IL17C: variants seen among roughly 807,000 people sequenced by gnomAD.
The protein encoded by IL17C is interleukin-17C.
In IL17C, 13 loss-of-function variants were observed where a neutral mutation model predicts 11.0. The observed-to-expected ratio is 1.18, with a 90% confidence interval of 0.77 to 1.88. IL17C has a LOEUF of 1.88. IL17C is among the 40% of genes most tolerant of loss of function. The probability of loss-of-function intolerance (pLI) is 0.00; values close to 1 mark genes in which losing one functional copy is unlikely to be tolerated. For missense variants in IL17C, 357 were observed against 278.2 expected (o/e 1.28, Z -2.01); for synonymous variants, 150 against 125.8 (o/e 1.19, Z -1.29).
Position 88,639,904 on chromosome 16 carries a change from G to A in IL17C, c.426G>A (p.Glu142=), listed in dbSNP as rs1227710272. The A allele has an allele frequency of 6.2e-7, 1 of 1,609,960 alleles. No homozygotes were observed. The highest frequency in any genetic ancestry group is 1.3e-5 in the African/African-American group (1 of 74,914). Residue 142 remains glutamate, a synonymous_variant, in exon 3 of 3, where the codon GAG becomes GAA. Coordinates refer to ENST00000244241, the MANE Select transcript of IL17C (RefSeq NM_013278.4). The surrounding 1 kb of genome is among the most constrained non-coding windows in gnomAD (Gnocchi z 5.1). Reference sequence around the variant, plus strand: ...GTATCGATGCACGGACGGGCCGCGAGACAGCTGCGCTCAACTCCGTGCGGC... The same window carrying A: ...GTATCGATGCACGGACGGGCCGCGAAACAGCTGCGCTCAACTCCGTGCGGC... ...RGCIDARTGR[E]TAALNSVRLL... is the part of the protein sequence containing the mutation.
Position 88,640,078 on chromosome 16 carries a change from G to C in IL17C, c.*6G>C. 6.5e-7 allele frequency: 1 copy of C among 1,540,914 alleles called. No individual in the cohort carries two copies. Among genetic ancestry groups the C allele is most frequent in the Non-Finnish European group, 8.8e-7 (1 of 1,141,830 alleles). ...TGCTGCCCCGTTCAGTGTGACCGCC[G>C]AGGCCGTGGGGCCCCTAGACTGGAC... is the stretch of plus-strand genomic sequence containing the variant. On this transcript the variant is annotated 3_prime_UTR_variant, in exon 3 of 3. Coordinates refer to ENST00000244241, the MANE Select transcript of IL17C (RefSeq NM_013278.4).
Position 88,639,912 on chromosome 16 carries a change from C to G in IL17C, c.434C>G (p.Ala145Gly). The G allele has an allele frequency of 6.2e-7, 1 of 1,610,270 alleles. No homozygotes were observed. Among genetic ancestry groups the G allele is most frequent in the Non-Finnish European group, 8.5e-7 (1 of 1,179,454 alleles). ...GCACGGACGGGCCGCGAGACAGCTG[C>G]GCTCAACTCCGTGCGGCTGCTCCAG... The part of the protein sequence containing the change: ...IDARTGRETA[A>G]LNSVRLLQSL... The change falls in exon 3 of 3, where the codon GCG becomes GGG. Residue 145 changes from alanine (A) to glycine (G), a missense_variant. By Grantham distance (60) the Ala-to-Gly change is moderately conservative. Transcript: ENST00000244241. The surrounding 1 kb of genome is among the most constrained non-coding windows in gnomAD (Gnocchi z 5.1).
intron 1 of IL17C, 135 bp from the exon 2 acceptor site, chr16:88,638,824 TTGGGCTGAAGGGCTAGCCTCTC>T: frequency 8.3e-7 from 1 of 1,201,984 alleles, no homozygotes; most frequent in Non-Finnish European, 1.2e-6. Flanking sequence ...GCTGGGTGTC[TTGGGCTGAAGGGCTAGCCTCTC>T]TGGGCTTCAG....
intron 1 of IL17C, 111 bp from the exon 2 acceptor site, chr16:88,638,870 A>G (rs1265031875): frequency 8.3e-7 from 1 of 1,206,390 alleles, no homozygotes; most frequent in Non-Finnish European, 1.2e-6. Flanking sequence ...CCCCATCTAT[A>G]GAGGGAGGGC....
At chr16:88,638,776 G>A in intron 1 of IL17C, 129 bp downstream of exon 1, 4 of 1,441,650 alleles carry the variant, frequency 2.8e-6, no homozygotes, top group Admixed American at 1.7e-5. Context: ...CAGTCTGGGG[G>A]TAGGGGAGGC....
chr16:88,639,290 A>G lies in IL17C; in HGVS notation c.316A>G (p.Ile106Val), dbSNP rs1344523642. ...GGAGGCAGACACCCACCAGCGCTCC[A>G]TCTCACCCTGGAGATACCGGTGAGG... ...VLEADTHQRS[I>V]SPWRYRVDTD... is the part of the protein sequence containing the mutation. Residue 106 changes from isoleucine to valine, a missense_variant, in exon 2 of 3, where the codon ATC (isoleucine) becomes GTC (valine). Ile to Val is a conservative substitution (Grantham distance 29). Coordinates refer to ENST00000244241, the MANE Select transcript of IL17C (RefSeq NM_013278.4). This position sits in a 1 kb window ranked among gnomAD's most constrained non-coding sequence, Gnocchi z 5.1. 1 of 1,606,258 alleles carries G rather than the reference A, an allele frequency of 6.2e-7. No homozygotes were observed. Among genetic ancestry groups the G allele is most frequent in the Non-Finnish European group, 8.5e-7 (1 of 1,176,716 alleles).
At chr16:88,638,933 C>G (rs376401116) in intron 1 of IL17C, 48 bp from the exon 2 acceptor site, 1 of 1,461,348 alleles carries the variant, frequency 6.8e-7, no homozygotes, top group Admixed American at 2.1e-5. Flanking sequence ...AAGTGAGGTG[C>G]CCCCTGCCCT....
Position 88,638,983 on chromosome 16 carries a change from C to G in IL17C, c.9C>G (p.Leu3=), listed in dbSNP as rs1022390322. 8 of 1,559,990 alleles carry G rather than the reference C, an allele frequency of 5.1e-6. No individual in the cohort carries two copies. The Admixed American group carries it at 7.3e-5, about 14-fold the overall frequency. Reference sequence around the variant, plus strand: ...CACCCACCTGCCTGTTTCACCAGCTCCTCCCCGGCCTCCTGTTTCTGACCT... The same window carrying G: ...CACCCACCTGCCTGTTTCACCAGCTGCTCCCCGGCCTCCTGTTTCTGACCT... The part of the protein sequence containing the change: MT[L]LPGLLFLTWL... Residue 3 remains leucine, a splice_region_variant and synonymous_variant, in exon 2 of 3, where the codon CTC becomes CTG. Coordinates refer to ENST00000244241, the MANE Select transcript of IL17C (RefSeq NM_013278.4).
rs1399604973 is a variant in IL17C, at chr16:88,640,444, G to A, written c.*372G>A. The A allele has an allele frequency of 1.7e-5, 4 of 233,978 alleles. No individual in the cohort carries two copies. The highest frequency in any genetic ancestry group is 4.5e-5 in the African/African-American group (2 of 44,368). 14.5% of individuals were successfully genotyped at this position (233,978 alleles called of 1,614,324 possible). ...TTCTTAAACAATTATTTAAGTGTAC[G>A]TGTATTATTAAACTGATGAACACAT... On this transcript the variant is annotated 3_prime_UTR_variant, in exon 3 of 3. Transcript: ENST00000244241.
In IL17C at chr16:88,640,463, A is replaced by C; in HGVS notation, c.*391A>C. 5.2e-6 allele frequency: 1 copy of C among 193,334 alleles called. No individual in the cohort carries two copies. Among genetic ancestry groups the C allele is most frequent in the Admixed American group, 5.5e-5 (1 of 18,270 alleles). The allele number at this position is 193,334 out of a possible 1,614,324, so 12.0% of individuals were successfully genotyped here. ...GTGTACGTGTATTATTAAACTGATG[A>C]ACACATCCCCAGAGGCCAACATTCA... On this transcript the variant is annotated 3_prime_UTR_variant, in exon 3 of 3. Coordinates refer to ENST00000244241, the MANE Select transcript of IL17C (RefSeq NM_013278.4).
chr16:88,638,709 G>T, intron 1 of IL17C, 62 bp downstream of exon 1: 2 of 1,611,972 alleles, frequency 1.2e-6, no homozygotes, highest in Non-Finnish European at 1.7e-6. Context: ...GGCATGGAAG[G>T]GCTGGGGTTC....
At position 88,640,080 on chromosome 16, in the gene IL17C, G is replaced by C. The variant is rs1048828099; in HGVS notation, c.*8G>C. 5 of 1,539,148 alleles carry C rather than the reference G, an allele frequency of 3.2e-6. No homozygotes were observed. Among genetic ancestry groups the C allele is most frequent in the Non-Finnish European group, 4.4e-6 (5 of 1,141,166 alleles). ...CTGCCCCGTTCAGTGTGACCGCCGA[G>C]GCCGTGGGGCCCCTAGACTGGACAC... On this transcript the variant is annotated 3_prime_UTR_variant, in exon 3 of 3. Coordinates refer to ENST00000244241, the MANE Select transcript of IL17C (RefSeq NM_013278.4).
chr16:88,640,225 C>T lies in IL17C; in HGVS notation c.*153C>T, dbSNP rs1907022609. On this transcript the variant is annotated 3_prime_UTR_variant, in exon 3 of 3. Coordinates refer to ENST00000244241, the MANE Select transcript of IL17C (RefSeq NM_013278.4). ...GTCTGGAGGACAGCCCCCCACTGTT[C>T]TCCTCATCTCCAGCCTCAGTAGTTG... 5.1e-6 allele frequency: 4 copies of T among 790,212 alleles called. No homozygotes were observed. The highest frequency in any genetic ancestry group is 2.0e-5 in the South Asian group (1 of 50,592). 49.0% of individuals were successfully genotyped at this position (790,212 alleles called of 1,614,324 possible). A position where few individuals can be genotyped will look rare whatever the true frequency, so the allele number is the denominator to read the frequency against.
rs1906972675 is a variant in IL17C, at chr16:88,638,977, C to G, written c.7-4C>G. The G allele has an allele frequency of 1.9e-6, 3 of 1,555,774 alleles. No homozygotes were observed. The highest frequency in any genetic ancestry group is 2.6e-6 in the Non-Finnish European group (3 of 1,148,314). ...CCTAACCACCCACCTGCCTGTTTCA[C>G]CAGCTCCTCCCCGGCCTCCTGTTTC... On this transcript the variant is annotated splice_region_variant and splice_polypyrimidine_tract_variant and intron_variant, in intron 1 of 2. Coordinates refer to ENST00000244241, the MANE Select transcript of IL17C (RefSeq NM_013278.4).
rs762858747 is a variant in IL17C at position 88,638,992 on chromosome 16, C to T, written c.18C>T (p.Gly6=). The T allele has an allele frequency of 1.9e-6, 3 of 1,570,464 alleles. No homozygotes were observed. The highest frequency in any genetic ancestry group is 2.3e-5 in the East Asian group (1 of 44,378). The change falls in exon 2 of 3, where the codon GGC becomes GGT. Residue 6 remains glycine, a synonymous_variant. Coordinates refer to ENST00000244241, the MANE Select transcript of IL17C (RefSeq NM_013278.4). MTLLP[G]LLFLTWLHTC... is the part of the protein sequence containing the mutation. ...GCCTGTTTCACCAGCTCCTCCCCGGCCTCCTGTTTCTGACCTGGCTGCACA... is the reference window on the plus strand; with the variant it reads ...GCCTGTTTCACCAGCTCCTCCCCGGTCTCCTGTTTCTGACCTGGCTGCACA...
intron 1 of IL17C, 163 bp from the exon 2 acceptor site, chr16:88,638,818 G>C (rs1906968278): frequency 1.7e-6 from 2 of 1,204,560 alleles, no homozygotes; most frequent in East Asian, 2.4e-5. Context: ...TGGCATGCTG[G>C]GTGTCTTGGG....
At position 88,639,628 on chromosome 16, in the gene IL17C, C is replaced by G. The variant is rs897711253; in HGVS notation, c.336-186C>G. Among the ~76,000 whole-genome samples the G allele has an allele frequency of 3.3e-5, 5 of 152,194 alleles. No individual in the cohort carries two copies. The highest frequency in any genetic ancestry group is 7.4e-5 in the Non-Finnish European group (5 of 68,022). Reference sequence around the variant, plus strand: ...AGGCCTCCGGACCCTGCTCTGTGCTCTTGGAGGGCCCTGGGGAGACGTGGA... The same window carrying G: ...AGGCCTCCGGACCCTGCTCTGTGCTGTTGGAGGGCCCTGGGGAGACGTGGA... On this transcript the variant is annotated intron_variant, in intron 2 of 2. Coordinates refer to ENST00000244241, the MANE Select transcript of IL17C (RefSeq NM_013278.4). This position sits in a 1 kb window ranked among gnomAD's most constrained non-coding sequence, Gnocchi z 5.1.
At chr16:88,638,771 T>TG in intron 1 of IL17C, 124 bp downstream of exon 1, 1 of 1,461,834 alleles carries the variant, frequency 6.8e-7, no homozygotes, top group Non-Finnish European at 9.6e-7. Context: ...CCCCTCAGTC[T>TG]GGGGGTAGGG....
chr16:88,639,439 C>T lies in IL17C; in HGVS notation c.335+130C>T. 1.1e-6 allele frequency: 1 copy of T among 891,156 alleles called. No individual in the cohort carries two copies. Among genetic ancestry groups the T allele is most frequent in the Non-Finnish European group, 1.7e-6 (1 of 604,976 alleles). The allele number at this position is 891,156 out of a possible 1,614,324, so 55.2% of individuals were successfully genotyped here. A position where few individuals can be genotyped will look rare whatever the true frequency, so the allele number is the denominator to read the frequency against. ...TGGGCGTGGCCACCTGAGCTCCCTC[C>T]CTCCGGCCCTCCTGACCTGGACGGC... On this transcript the variant is annotated intron_variant, in intron 2 of 2. Coordinates refer to ENST00000244241, the MANE Select transcript of IL17C (RefSeq NM_013278.4). This position sits in a 1 kb window ranked among gnomAD's most constrained non-coding sequence, Gnocchi z 5.1.
Sources: allele counts gnomAD v4.1 joint callset (sites outside exome capture counted in the v4.1 genomes callset), GRCh38; gene constraint gnomAD v4.1.1; non-coding constraint Gnocchi (gnomAD v3.1); transcripts MANE v1.5; gene names NCBI Gene and HGNC (gene_info 2026-07-23, HGNC 2026-07-21).